The following CHEK1 variants were observed in gnomAD, a reference collection of about 807,000 sequenced individuals.
CHEK1 encodes serine/threonine-protein kinase Chk1.
In CHEK1, 32 loss-of-function variants were observed where a neutral mutation model predicts 60.2. The ratio of observed to expected loss-of-function variants is 0.53; its 90% CI spans 0.40 to 0.71. CHEK1 has a LOEUF of 0.71. CHEK1 is among the 30% of genes least tolerant of loss of function. The pLI is 0.00. For synonymous variants in CHEK1, 179 were observed against 187.2 expected, an observed-to-expected ratio of 0.96 and a Z score of 0.36; for missense variants, 399 against 564.6, an observed-to-expected ratio of 0.71 and a Z score of 2.97.
At chr11:125,649,731 C>CAA (rs35885200) in intron 11 of CHEK1, 21 of 129,444 alleles carry the variant, frequency 1.6e-4, no homozygotes, top group South Asian at 2.5e-4. Context: ...AAGACTGTCT[C>CAA]AAAAAAAAAA....
chr11:125,637,654 G>T, intron 8 of CHEK1, 110 bp downstream of exon 8: 1 of 617,602 alleles, frequency 1.6e-6, no homozygotes. Context: ...CTGTCCTCAT[G>T]GAGATTATAA....
At chr11:125,678,373 G>A (rs1942628230), downstream of CHEK1, 3 of 1,526,656 alleles carry the variant, frequency 2.0e-6, no homozygotes, top group Non-Finnish European at 2.6e-6. Context: ...TATGGAGTTA[G>A]GCTAATGTTA....
intron 7 of CHEK1, 39 bp from the exon 8 acceptor site, chr11:125,637,410 T>C (rs776290200): frequency 9.4e-5 from 146 of 1,547,916 alleles, no homozygotes; most frequent in Non-Finnish European, 1.2e-4. Context: ...TTCTCTAACA[T>C]GATTCTTTCG....
At chr11:125,654,410 G>C (rs1424714234) in intron 12 of CHEK1, among the ~76,000 whole-genome samples, 2 of 152,078 alleles carry the variant, frequency 1.3e-5, no homozygotes, top group Non-Finnish European at 2.9e-5. Context: ...TAAATTTTCA[G>C]TGATCACATT....
intron 11 of CHEK1, among the ~76,000 whole-genome samples, chr11:125,652,813 G>A (rs1941785315): frequency 6.6e-6 from 1 of 152,168 alleles, no homozygotes. Flanking sequence ...AACATTGTGG[G>A]AATGGGAATG....
chr11:125,654,809 A>G (rs528464681), intron 12 of CHEK1, among the ~76,000 whole-genome samples: 3 of 152,338 alleles, frequency 2.0e-5, no homozygotes, highest in African/African-American at 7.2e-5. Flanking sequence ...TCGTAGTATA[A>G]TGAAATTCTT....
At chr11:125,648,489 G>A (rs530938402) in intron 11 of CHEK1, among the ~76,000 whole-genome samples, 43 of 151,928 alleles carry the variant, frequency 2.8e-4, no homozygotes, top group South Asian at 1.9e-3. Context: ...GGCTGAGGCC[G>A]GAGAATCACT....
intron 13 of CHEK1, among the ~76,000 whole-genome samples, chr11:125,666,447 A>G (rs1160375312): frequency 6.6e-6 from 1 of 152,134 alleles, no homozygotes; most frequent in African/African-American, 2.4e-5. Context: ...AAAGTGTTCC[A>G]TATGTGATGA....
chr11:125,662,056 C>G (rs972049522), downstream of CHEK1, among the ~76,000 whole-genome samples: 2 of 152,220 alleles, frequency 1.3e-5, no homozygotes, highest in Admixed American at 6.5e-5. Flanking sequence ...CCTCCCACTT[C>G]TGGCAACTAT....
At chr11:125,646,180 T>C (rs1941497928) in intron 11 of CHEK1, among the ~76,000 whole-genome samples, 1 of 152,156 alleles carries the variant, frequency 6.6e-6, no homozygotes. Context: ...TCGAATCTAC[T>C]TTCTGTCTTT....
At chr11:125,626,259 C>T (rs1235574736) in intron 1 of CHEK1, 1 of 535,478 alleles carries the variant, frequency 1.9e-6, no homozygotes, top group African/African-American at 1.9e-5. Context: ...CCAGCCCTTC[C>T]TTTCGCCTCT....
chr11:125,676,629 T>A, downstream of CHEK1: 1 of 993,420 alleles, frequency 1.0e-6, no homozygotes, highest in Non-Finnish European at 1.5e-6. Context: ...CTGTGTCTGA[T>A]AGACCTGTGC....
intron 13 of CHEK1, among the ~76,000 whole-genome samples, chr11:125,675,765 A>G (rs568438755): frequency 3.9e-5 from 6 of 152,284 alleles, no homozygotes; most frequent in Non-Finnish European, 5.9e-5. Flanking sequence ...CAATGTCCCA[A>G]TGGCTCATGG....
downstream of CHEK1, among the ~76,000 whole-genome samples, chr11:125,660,699 C>A (rs1941995799): frequency 6.6e-6 from 1 of 151,688 alleles, no homozygotes; most frequent in South Asian, 2.1e-4. Flanking sequence ...AATCTAGCCC[C>A]ACTTGCTTTC....
At chr11:125,678,623 C>T (rs186558109), downstream of CHEK1, among the ~76,000 whole-genome samples, 5 of 152,158 alleles carry the variant, frequency 3.3e-5, no homozygotes, top group African/African-American at 1.2e-4. Flanking sequence ...GCCTCCCTGA[C>T]AAAGTCAGCA....
downstream of CHEK1, among the ~76,000 whole-genome samples, chr11:125,658,694 T>C (rs1345368143): frequency 7.7e-5 from 11 of 142,138 alleles, no homozygotes; most frequent in African/African-American, 2.9e-4. Flanking sequence ...GCTTTTTTTT[T>C]TTTTTTTTTT....
chr11:125,626,694 G>A, intron 1 of CHEK1, 55 bp from the exon 2 acceptor site: 1 of 1,538,708 alleles, frequency 6.5e-7, no homozygotes, highest in Non-Finnish European at 9.0e-7. Context: ...GGGGCTCAGT[G>A]GCTTCACTGG....
chr11:125,639,464 C>T (rs1336462141), intron 8 of CHEK1, among the ~76,000 whole-genome samples: 2 of 145,206 alleles, frequency 1.4e-5, no homozygotes, highest in Non-Finnish European at 3.0e-5. Flanking sequence ...CTCTGCCTCT[C>T]AGGTTCAAGC....
At chr11:125,637,395 T>C in intron 7 of CHEK1, 54 bp from the exon 8 acceptor site, 2 of 1,448,246 alleles carry the variant, frequency 1.4e-6, no homozygotes, top group Non-Finnish European at 9.5e-7. Context: ...CCTCAAGCCA[T>C]AGGCTTCTCT....
Sources: gnomAD v4.1 joint callset for allele counts (sites outside exome capture counted in the v4.1 genomes callset) on GRCh38, gnomAD v4.1.1 for gene constraint, MANE v1.5 for transcripts, NCBI Gene and HGNC (gene_info 2026-07-23, HGNC 2026-07-21) for gene names.